Variants in LDB3 observed in about 807,000 individuals in gnomAD.
The protein encoded by LDB3 is LIM domain-binding protein 3.
LDB3 carries 49 observed loss-of-function variants against 69.0 expected under a neutral mutation model. That is an observed-to-expected ratio of 0.71 (90% CI 0.56 to 0.90). LDB3 has a LOEUF of 0.90. Ranked by LOEUF, LDB3 falls within the 40% of genes least tolerant of loss-of-function variation. The pLI is 0.00. For synonymous variants in LDB3, 387 were observed against 396.2 expected, an observed-to-expected ratio of 0.98 and a Z score of 0.28; for missense variants, 928 against 974.1, an observed-to-expected ratio of 0.95 and a Z score of 0.63.
At position 86,706,517 on chromosome 10, in the gene LDB3, T is replaced by C. The variant is rs763081924; in HGVS notation, c.897-14T>C. On this transcript the variant is annotated splice_polypyrimidine_tract_variant and intron_variant, in intron 7 of 13. Coordinates refer to ENST00000361373, the MANE Select transcript of LDB3 (RefSeq NM_007078.3). ...CTCCCTTGACCTGTTGTCTTTTTGGTCCCGCCTCATCAGCACCCCTATTGA... is the reference window on the plus strand; with the variant it reads ...CTCCCTTGACCTGTTGTCTTTTTGGCCCCGCCTCATCAGCACCCCTATTGA... 1.0e-4 allele frequency: 169 copies of C among 1,611,028 alleles called. No homozygotes were observed. The highest frequency in any genetic ancestry group is 1.3e-4 in the Non-Finnish European group (159 of 1,179,944).
chr10:86,732,627 G>A (rs1174350166), intron 13 of LDB3: 14 of 490,894 alleles, frequency 2.9e-5, no homozygotes, highest in Non-Finnish European at 4.8e-5. Context: ...TCAACCTCCC[G>A]AGTAGCTGGG....
chr10:86,697,285 G>A (rs756167157), intron 7 of LDB3, among the ~76,000 whole-genome samples: 30 of 132,766 alleles, frequency 2.3e-4, no homozygotes, highest in South Asian at 2.0e-3. Context: ...GCAGTGGCGC[G>A]ATCTCGGCTT....
chr10:86,718,174 C>A, intron 11 of LDB3, 30 bp downstream of exon 11: 1 of 1,603,012 alleles, frequency 6.2e-7, no homozygotes, highest in East Asian at 2.2e-5. Context: ...TTCCTCTGAC[C>A]CATGTCTCTT....
At chr10:86,690,172 G>T (rs1202048978) in intron 5 of LDB3, among the ~76,000 whole-genome samples, 1 of 152,186 alleles carries the variant, frequency 6.6e-6, no homozygotes, top group Non-Finnish European at 1.5e-5. Flanking sequence ...GCTCTGTAGA[G>T]AGGCTCAAGG....
intron 2 of LDB3, among the ~76,000 whole-genome samples, chr10:86,670,339 C>A (rs1238281669): frequency 6.6e-6 from 1 of 152,166 alleles, no homozygotes; most frequent in East Asian, 1.9e-4. Context: ...TCCCACTGCC[C>A]TTTCCCACAG....
chr10:86,703,331 A>C (rs937849084), intron 7 of LDB3, among the ~76,000 whole-genome samples: 1 of 152,186 alleles, frequency 6.6e-6, no homozygotes, highest in African/African-American at 2.4e-5. Context: ...GGCTACAGAG[A>C]CTGCAGCTAC....
At chr10:86,677,197 G>A (rs940675047) in intron 2 of LDB3, among the ~76,000 whole-genome samples, 10 of 152,196 alleles carry the variant, frequency 6.6e-5, no homozygotes, top group African/African-American at 2.4e-4. Context: ...TCCTCATGAT[G>A]TCATGGGGGT....
chr10:86,695,899 C>G (rs1453675630), intron 7 of LDB3, among the ~76,000 whole-genome samples: 2 of 152,192 alleles, frequency 1.3e-5, no homozygotes, highest in Non-Finnish European at 2.9e-5. Flanking sequence ...CCCAGACATG[C>G]CCCTGATCCC....
chr10:86,713,490 C>T (rs1302502262), intron 9 of LDB3, among the ~76,000 whole-genome samples: 2 of 152,158 alleles, frequency 1.3e-5, no homozygotes, highest in African/African-American at 2.4e-5. Context: ...AGTGATCCAC[C>T]GGCCTCAGTC....
chr10:86,685,930 T>C lies in LDB3; in HGVS notation c.689+4127T>C, dbSNP rs548707405. 3.9e-5 allele frequency among the ~76,000 whole-genome samples: 6 copies of C among 152,192 alleles called. No homozygotes were observed. The East Asian group carries it at 1.2e-3, about 29-fold the overall frequency. ...CCGATGGTTCTAATTTCATTCCCAA[T>C]TTCCTGCTGCAGCAGCTGCTTAAGA... On this transcript the variant is annotated intron_variant, in intron 5 of 13. Coordinates refer to ENST00000361373, the MANE Select transcript of LDB3 (RefSeq NM_007078.3).
chr10:86,724,171 C>T (rs1308082732), intron 12 of LDB3, among the ~76,000 whole-genome samples: 2 of 151,848 alleles, frequency 1.3e-5, no homozygotes, highest in Non-Finnish European at 2.9e-5. Flanking sequence ...ATTAGCCAGG[C>T]GTGGTGGCAC....
rs1846889503 is a variant in LDB3, at chr10:86,716,677, G to A, written c.1582G>A (p.Val528Met). 1 of 1,613,884 alleles carries A rather than the reference G, an allele frequency of 6.2e-7. No homozygotes were observed. Among genetic ancestry groups the A allele is most frequent in the Non-Finnish European group, 8.5e-7 (1 of 1,179,992 alleles). Reference sequence around the variant, plus strand: ...AGCCTACACCCCAGCGGGTCCTCAGGTGCCACCACTTGCCAGGGGGACCGT... The same window carrying A: ...AGCCTACACCCCAGCGGGTCCTCAGATGCCACCACTTGCCAGGGGGACCGT... ...GPAYTPAGPQVPPLARGTVQR... is the reference protein window; with the variant it reads ...GPAYTPAGPQMPPLARGTVQR... The change falls in exon 10 of 14, where the codon GTG (valine) becomes ATG (methionine). Residue 528 changes from valine (V) to methionine (M), a missense_variant. Transcript: ENST00000361373.
chr10:86,676,387 A>T (rs1844791549), intron 2 of LDB3, among the ~76,000 whole-genome samples: 1 of 151,526 alleles, frequency 6.6e-6, no homozygotes, highest in South Asian at 2.1e-4. Flanking sequence ...ACATGGTAAA[A>T]CCCCCTTTCT....
chr10:86,715,880 C>T (rs1181553558), intron 9 of LDB3, among the ~76,000 whole-genome samples: 1 of 152,216 alleles, frequency 6.6e-6, no homozygotes, highest in Non-Finnish European at 1.5e-5. Flanking sequence ...GGTCCAGGTT[C>T]AGCAAACTTA....
rs765712486 is a variant in LDB3 at position 86,732,622 on chromosome 10, C to G, written c.2095-265C>G. 5 of 487,980 alleles carry G rather than the reference C, an allele frequency of 1.0e-5. 1 individual carries two copies. Among genetic ancestry groups the G allele is most frequent in the South Asian group, 7.8e-5 (5 of 64,312 alleles). The allele number at this position is 487,980 out of a possible 1,614,324, so 30.2% of individuals were successfully genotyped here. On this transcript the variant is annotated intron_variant, in intron 13 of 13. Coordinates refer to ENST00000361373, the MANE Select transcript of LDB3 (RefSeq NM_007078.3). The stretch of plus-strand genomic sequence containing the variant: ...GTTCAAGAGATTCTTCTGCCTCAAC[C>G]TCCCGAGTAGCTGGGATTACAGGCA...
chr10:86,716,750 G>A lies in LDB3; in HGVS notation c.1655G>A (p.Gly552Asp). The change falls in exon 10 of 14, where the codon GGT becomes GAT. Residue 552 changes from glycine (G) to aspartate (D), a missense_variant. Coordinates refer to ENST00000361373, the MANE Select transcript of LDB3 (RefSeq NM_007078.3). ...FPASSRTPLC[G>D]HCNNVIRGPF... Reference sequence around the variant, plus strand: ...GCCAGCAGCCGGACTCCACTCTGCGGTCACTGCAACAATGTCATCCGGTAT... The same window carrying A: ...GCCAGCAGCCGGACTCCACTCTGCGATCACTGCAACAATGTCATCCGGTAT... 1 of 1,611,640 alleles carries A rather than the reference G, an allele frequency of 6.2e-7. No homozygotes were observed. The highest frequency in any genetic ancestry group is 1.7e-5 in the Admixed American group (1 of 59,678).
chr10:86,691,018 C>T (rs1407872345), intron 5 of LDB3, among the ~76,000 whole-genome samples: 2 of 152,226 alleles, frequency 1.3e-5, no homozygotes, highest in East Asian at 3.8e-4. Context: ...GGCTGGGCGG[C>T]TTGGTCCTCT....
chr10:86,708,139 C>T (rs908102675), intron 8 of LDB3, among the ~76,000 whole-genome samples: 5 of 152,252 alleles, frequency 3.3e-5, no homozygotes, highest in African/African-American at 9.6e-5. Flanking sequence ...GGCTGAGCTC[C>T]TGGAACCCTT....
intron 9 of LDB3, among the ~76,000 whole-genome samples, chr10:86,713,954 A>C (rs554455758): frequency 8.5e-5 from 13 of 152,266 alleles, no homozygotes; most frequent in Admixed American, 2.0e-4. Flanking sequence ...CTACCAGTCT[A>C]ACTGGGCTGG....
Sources: gnomAD v4.1 joint callset for allele counts (sites outside exome capture counted in the v4.1 genomes callset) on GRCh38, gnomAD v4.1.1 for gene constraint, MANE v1.5 for transcripts, NCBI Gene and HGNC (gene_info 2026-07-23, HGNC 2026-07-21) for gene names.